Variants in PELO observed in about 807,000 individuals in gnomAD.
PELO encodes the protein pelota mRNA surveillance and ribosome rescue factor, also known as protein pelota homolog.
A neutral mutation model predicts 25.9 loss-of-function variants in PELO; 19 were observed. That is an observed-to-expected ratio of 0.73 (90% confidence interval 0.51 to 1.08). The LOEUF (loss-of-function observed/expected upper bound fraction) is 1.08, where lower values mean the gene tolerates loss of function less well. Ranked by LOEUF, PELO falls within the 50% of genes least tolerant of loss-of-function variation. PELO has a pLI of 0.00. For missense variants in PELO, 498 were observed against 491.4 expected, an observed-to-expected ratio of 1.01 and a Z score of -0.13; for synonymous variants, 196 against 192.2, an observed-to-expected ratio of 1.02 and a Z score of -0.16.
intron 1 of PELO, among the ~76,000 whole-genome samples, chr5:52,792,834 C>T (rs754342649): frequency 6.6e-6 from 1 of 152,142 alleles, no homozygotes; most frequent in Non-Finnish European, 1.5e-5. Context: ...ACTGTTGCCA[C>T]AGTGCTAAAG....
chr5:52,789,061 T>C (rs1458687763), intron 1 of PELO, among the ~76,000 whole-genome samples: 1 of 152,212 alleles, frequency 6.6e-6, no homozygotes. Context: ...TATAGTATTG[T>C]TATTTGTACA....
chr5:52,788,470 C>T, intron 1 of PELO, 56 bp downstream of exon 1: 1 of 1,373,450 alleles, frequency 7.3e-7, no homozygotes, highest in Non-Finnish European at 9.5e-7. Context: ...GGGCTTGGAG[C>T]GGGGAGGGAG....
chr5:52,794,403 A>G (rs1397734110), intron 1 of PELO, among the ~76,000 whole-genome samples: 1 of 151,742 alleles, frequency 6.6e-6, no homozygotes, highest in East Asian at 1.9e-4. Flanking sequence ...ATACATGGGT[A>G]CTGGCCAATC....
At chr5:52,798,649 C>G (rs1254846248) in intron 1 of PELO, among the ~76,000 whole-genome samples, 8 of 152,214 alleles carry the variant, frequency 5.3e-5, no homozygotes, top group Non-Finnish European at 8.8e-5. Flanking sequence ...ATGCCTCTGT[C>G]TGGCTTAGTC....
In PELO at chr5:52,788,356, G is replaced by A; in HGVS notation, c.-569G>A. ...CTGGCGCTGAGGCTGCTCCGGCCAT[G>A]GCCCCTCGGCCCCGCGCCCGCCCAG... On this transcript the variant is annotated 5_prime_UTR_variant, in exon 1 of 3. An upstream start codon of the reference 5' UTR is lost. Coordinates refer to ENST00000274311, the MANE Select transcript of PELO (RefSeq NM_015946.5). The A allele has an allele frequency of 1.3e-6, 2 of 1,508,528 alleles. No individual in the cohort carries two copies. The highest frequency in any genetic ancestry group is 1.2e-5 in the South Asian group (1 of 81,206). 93.4% of individuals were successfully genotyped at this position (1,508,528 alleles called of 1,614,324 possible). A position where few individuals can be genotyped will look rare whatever the true frequency, so the allele number is the denominator to read the frequency against.
rs1198650370 is a variant in PELO, at chr5:52,787,984, T to A, written c.-941T>A. The A allele has an allele frequency of 9.3e-6, 2 of 214,462 alleles. No individual in the cohort carries two copies. Among genetic ancestry groups the A allele is most frequent in the African/African-American group, 4.6e-5 (2 of 43,836 alleles). 13.3% of individuals were successfully genotyped at this position (214,462 alleles called of 1,614,324 possible). ...GATCACCCTCTCAATGAAAGGCAGA[T>A]GTCCCTTTAAGGTTTGCTTCTACAG... On this transcript the variant is annotated 5_prime_UTR_variant, in exon 1 of 3. It removes an upstream start codon present in the reference 5' UTR. Coordinates refer to ENST00000274311, the MANE Select transcript of PELO (RefSeq NM_015946.5).
At chr5:52,788,607 C>A (rs2897351) in intron 1 of PELO, among the ~76,000 whole-genome samples, 193 bp downstream of exon 1, 138,430 of 152,226 alleles carry the variant, frequency 0.91, 63,019 homozygotes, top group Middle Eastern at 0.93. Context: ...AATTAGTTTT[C>A]GTGTCTCTCC....
intron 1 of PELO, among the ~76,000 whole-genome samples, chr5:52,796,576 G>A (rs1162874975): frequency 6.6e-6 from 1 of 151,952 alleles, no homozygotes; most frequent in Non-Finnish European, 1.5e-5. Flanking sequence ...CCATTATTAA[G>A]TGAAATACAG....
At chr5:52,791,182 G>A (rs1008130976) in intron 1 of PELO, among the ~76,000 whole-genome samples, 1 of 152,184 alleles carries the variant, frequency 6.6e-6, no homozygotes, top group Non-Finnish European at 1.5e-5. Context: ...AGCATAAACT[G>A]ATGTCACATA....
In PELO at chr5:52,799,945, ACCACTCT is replaced by A. The variant is rs1318761720; in HGVS notation, c.-449_-443del. On this transcript the variant is annotated 5_prime_UTR_variant, in exon 2 of 3. Transcript: ENST00000274311. ...TTGGCATTAAAATAAAGGACTCGCC[ACCACTCT>A]GTGCACCTTCTTGAGGGAGTTCATT... is the stretch of plus-strand genomic sequence containing the variant. 2 of 186,382 alleles carry A rather than the reference ACCACTCT, an allele frequency of 1.1e-5. No homozygotes were observed. The highest frequency in any genetic ancestry group is 4.8e-5 in the African/African-American group (2 of 41,948). The allele number at this position is 186,382 out of a possible 1,614,324, so 11.5% of individuals were successfully genotyped here. A position where few individuals can be genotyped will look rare whatever the true frequency, so the allele number is the denominator to read the frequency against.
intron 1 of PELO, among the ~76,000 whole-genome samples, chr5:52,793,072 G>A (rs1036213199): frequency 6.6e-6 from 1 of 151,964 alleles, no homozygotes; most frequent in African/African-American, 2.4e-5. Flanking sequence ...CTGAATAAAC[G>A]TCATTTCCAA....
intron 1 of PELO, among the ~76,000 whole-genome samples, chr5:52,793,910 C>T (rs2111645698): frequency 6.6e-6 from 1 of 152,072 alleles, no homozygotes; most frequent in East Asian, 1.9e-4. Flanking sequence ...AAACTCTTAA[C>T]TTTTTGTCAT....
Position 52,800,900 on chromosome 5 carries a change from G to A in PELO, c.506G>A (p.Arg169Lys), listed in dbSNP as rs758654730. Residue 169 changes from arginine to lysine, a missense_variant, in exon 2 of 3, where the codon AGG becomes AAG. Coordinates refer to ENST00000274311, the MANE Select transcript of PELO (RefSeq NM_015946.5). Reference sequence around the variant, plus strand: ...GCCAAGGTGGAGGTGAACATCCCTAGGAAAAGGAAAGGCAATTGCTCTCAG... The same window carrying A: ...GCCAAGGTGGAGGTGAACATCCCTAAGAAAAGGAAAGGCAATTGCTCTCAG... ...TRAKVEVNIP[R>K]KRKGNCSQHD... The A allele has an allele frequency of 3.7e-6, 6 of 1,613,802 alleles. No homozygotes were observed. Among genetic ancestry groups the A allele is most frequent in the Non-Finnish European group, 4.2e-6 (5 of 1,179,790 alleles).
At chr5:52,791,278 G>A (rs559925200) in intron 1 of PELO, among the ~76,000 whole-genome samples, 41 of 152,228 alleles carry the variant, frequency 2.7e-4, no homozygotes, top group African/African-American at 9.6e-4. Flanking sequence ...AGCATCTAGC[G>A]CAAGCAACAG....
intron 1 of PELO, among the ~76,000 whole-genome samples, chr5:52,796,602 G>T (rs540516788): frequency 6.6e-6 from 1 of 152,034 alleles, no homozygotes; most frequent in African/African-American, 2.4e-5. Context: ...AACAATATAA[G>T]TAAGTGCCTT....
At chr5:52,798,763 A>G (rs1167681132) in intron 1 of PELO, among the ~76,000 whole-genome samples, 6 of 152,288 alleles carry the variant, frequency 3.9e-5, no homozygotes. Context: ...CTGTACCTGA[A>G]AACAGAAGCT....
intron 1 of PELO, among the ~76,000 whole-genome samples, chr5:52,792,489 T>C (rs540360402): frequency 2.0e-4 from 31 of 152,280 alleles, no homozygotes; most frequent in Non-Finnish European, 1.8e-4. Flanking sequence ...GTTTAACTAT[T>C]TCTCTTCCCT....
At chr5:52,796,312 CT>C (rs1049864053) in intron 1 of PELO, among the ~76,000 whole-genome samples, 1 of 151,694 alleles carries the variant, frequency 6.6e-6, no homozygotes, top group Non-Finnish European at 1.5e-5. Flanking sequence ...GGTAACAATA[CT>C]TTTTTCCCCT....
chr5:52,800,880 G>C lies in PELO; in HGVS notation c.486G>C (p.Lys162Asn). 1.2e-6 allele frequency: 2 copies of C among 1,612,804 alleles called. No homozygotes were observed. The highest frequency in any genetic ancestry group is 1.7e-6 in the Non-Finnish European group (2 of 1,179,150). ...VTPSMTLTRA[K>N]VEVNIPRKRK... The stretch of plus-strand genomic sequence containing the variant: ...CCAGCATGACCCTCACTCGGGCCAA[G>C]GTGGAGGTGAACATCCCTAGGAAAA... The change falls in exon 2 of 3, where the codon AAG becomes AAC. Residue 162 changes from lysine to asparagine, a missense_variant. Physicochemically the swap from Lys to Asn is moderately conservative, Grantham distance 94 (BLOSUM62 0). Coordinates refer to ENST00000274311, the MANE Select transcript of PELO (RefSeq NM_015946.5).
Sources: gnomAD v4.1 joint callset for allele counts (sites outside exome capture counted in the v4.1 genomes callset) on GRCh38, gnomAD v4.1.1 for gene constraint, MANE v1.5 for transcripts, NCBI Gene and HGNC (gene_info 2026-07-23, HGNC 2026-07-21) for gene names.